The following RNF38 variants were observed in gnomAD, a reference collection of about 807,000 sequenced individuals.
RNF38 encodes the protein ring finger protein 38.
RNF38 carries 15 observed loss-of-function variants against 67.2 expected under a neutral mutation model. The observed-to-expected ratio is 0.22, with a 90% CI of 0.15 to 0.34. RNF38 has a LOEUF of 0.34. RNF38 is among the 10% of genes least tolerant of loss of function. The pLI, the probability that RNF38 is intolerant of heterozygous loss-of-function variation, is 1.00. For synonymous variants in RNF38, 220 were observed against 218.8 expected (o/e 1.01, Z -0.05); for missense variants, 524 against 639.9 (o/e 0.82, Z 1.95).
chr9:36,356,035 C>G (rs1834078055), intron 6 of RNF38, among the ~76,000 whole-genome samples: 1 of 151,916 alleles, frequency 6.6e-6, no homozygotes, highest in Non-Finnish European at 1.5e-5. Flanking sequence ...TTAGTAGAGA[C>G]AGGGTTTCAC....
chr9:36,418,448 C>T (rs117406965), intron 2 of RNF38, among the ~76,000 whole-genome samples: 8,259 of 151,340 alleles, frequency 0.055, 718 homozygotes, highest in African/African-American at 0.18. Context: ...AGGACAGGAG[C>T]TGAAGACCAG....
intron 3 of RNF38, among the ~76,000 whole-genome samples, chr9:36,371,779 T>C (rs909253872): frequency 6.6e-6 from 1 of 152,044 alleles, no homozygotes; most frequent in Admixed American, 6.6e-5. Context: ...ATTTTTCTCG[T>C]ATTGCCTTCT....
intron 1 of RNF38, among the ~76,000 whole-genome samples, chr9:36,462,397 C>G (rs1839753829): frequency 6.6e-6 from 1 of 152,146 alleles, no homozygotes; most frequent in African/African-American, 2.4e-5. Context: ...AACCCATTCT[C>G]AGCACAGCGG....
At chr9:36,403,778 A>G (rs1260932262), upstream of RNF38, among the ~76,000 whole-genome samples, 1 of 152,248 alleles carries the variant, frequency 6.6e-6, no homozygotes, top group African/African-American at 2.4e-5. Context: ...ATAGGATTTT[A>G]GAACTGATCA....
intron 7 of RNF38, 146 bp from the exon 8 acceptor site, chr9:36,352,994 TG>T (rs1220733868): frequency 3.7e-6 from 3 of 802,408 alleles, no homozygotes; most frequent in Non-Finnish European, 4.0e-6. Context: ...AACTTATTAA[TG>T]GATGCAGCAA....
chr9:36,407,911 ATTACATTTAGGTTGT>A (rs1838222962), intron 2 of RNF38, among the ~76,000 whole-genome samples: 2 of 152,160 alleles, frequency 1.3e-5, no homozygotes, highest in Admixed American at 6.5e-5. Flanking sequence ...TAAATCCTGT[ATTACATTTAGGTTGT>A]TCTCAGTGTT....
At chr9:36,355,853 T>C (rs1980921) in intron 6 of RNF38, among the ~76,000 whole-genome samples, 53,671 of 151,904 alleles carry the variant, frequency 0.35, 9,552 homozygotes, top group Non-Finnish European at 0.38. Context: ...GTTTGTTTGT[T>C]TGTTTATTTT....
chr9:36,358,024 T>C (rs767257420), intron 4 of RNF38, 82 bp from the exon 5 acceptor site: 381 of 1,113,358 alleles, frequency 3.4e-4, no homozygotes, highest in Non-Finnish European at 4.9e-4. Flanking sequence ...TGGTCATTTA[T>C]TGGCTCCTCT....
At chr9:36,470,197 A>C (rs1839964460) in intron 1 of RNF38, among the ~76,000 whole-genome samples, 2 of 152,142 alleles carry the variant, frequency 1.3e-5, no homozygotes, top group Admixed American at 1.3e-4. Flanking sequence ...TCCAGCTTTT[A>C]AAGTCTAAGA....
intron 3 of RNF38, 110 bp downstream of exon 3, chr9:36,375,824 G>A (rs1835746569): frequency 1.1e-6 from 1 of 949,932 alleles, no homozygotes; most frequent in African/African-American, 1.7e-5. Context: ...ACGTGTATAT[G>A]TGGTGATGTG....
Position 36,449,005 on chromosome 9 carries a change from A to AAAAG in RNF38, n.242-24326_242-24323dup, listed in dbSNP as rs530863234. 7.1e-4 allele frequency among the ~76,000 whole-genome samples: 108 copies of AAAAG among 152,082 alleles called. 1 individual carries two copies. The South Asian group carries it at 9.6e-3, about 13-fold the overall frequency. On this transcript the variant is annotated intron_variant and non_coding_transcript_variant, in intron 1 of 3. Transcript: ENST00000488058. Reference sequence around the variant, plus strand: ...CGAGACTCCGTCTCAAAAAAATTAAAAAAGAAAGAAAGAAAGAAAGAAATA... The same window carrying AAAAG: ...CGAGACTCCGTCTCAAAAAAATTAAAAAAGAAAGAAAGAAAGAAAGAAAGAAATA...
chr9:36,457,475 C>T (rs908096487), intron 1 of RNF38, among the ~76,000 whole-genome samples: 5 of 152,160 alleles, frequency 3.3e-5, no homozygotes, highest in Non-Finnish European at 7.3e-5. Flanking sequence ...TGAAAGTCTG[C>T]GATGGGCACA....
At chr9:36,348,594 T>C (rs1027725006) in intron 9 of RNF38, among the ~76,000 whole-genome samples, 1 of 152,070 alleles carries the variant, frequency 6.6e-6, no homozygotes, top group Non-Finnish European at 1.5e-5. Flanking sequence ...AGATAGAAAA[T>C]CCAACCAGCC....
At position 36,381,436 on chromosome 9, in the gene RNF38, C is replaced by T. The variant is rs536001616; in HGVS notation, c.163-5309G>A. ...CTTCTGGAGTTTAGGCAAAACTGAC[C>T]AGCATTAATGTTAAAATAGAAATTA... is the stretch of plus-strand genomic sequence containing the variant. On this transcript the variant is annotated intron_variant, in intron 2 of 11. Coordinates refer to ENST00000259605, the MANE Select transcript of RNF38 (RefSeq NM_022781.5). Among the ~76,000 whole-genome samples, 8 of 152,136 alleles carry T rather than the reference C, an allele frequency of 5.3e-5. No individual in the cohort carries two copies. In the South Asian group the frequency reaches 1.7e-3, roughly 32 times the overall value.
chr9:36,385,582 T>C (rs1836558768), intron 2 of RNF38, among the ~76,000 whole-genome samples: 1 of 152,164 alleles, frequency 6.6e-6, no homozygotes, highest in Admixed American at 6.5e-5. Flanking sequence ...TTTCACCATG[T>C]TGGCCAGGCT....
chr9:36,480,787 T>C (rs1564079531), intron 1 of RNF38, among the ~76,000 whole-genome samples: 2 of 151,634 alleles, frequency 1.3e-5, no homozygotes. Flanking sequence ...CGAGCTCAAG[T>C]TATCCACCCG....
chr9:36,452,976 C>G (rs1839493444), intron 1 of RNF38, among the ~76,000 whole-genome samples: 1 of 152,192 alleles, frequency 6.6e-6, no homozygotes, highest in Non-Finnish European at 1.5e-5. Flanking sequence ...TTGTATACAG[C>G]TTCTGTGTAG....
intron 1 of RNF38, among the ~76,000 whole-genome samples, chr9:36,444,915 T>TTC (rs1192054822): frequency 8.5e-4 from 103 of 121,572 alleles, no homozygotes; most frequent in Admixed American, 4.0e-3. Flanking sequence ...TTAAGAGCCA[T>TTC]TCTCTTTTTT....
chr9:36,368,081 G>C (rs1288089795), intron 4 of RNF38, among the ~76,000 whole-genome samples: 1 of 152,112 alleles, frequency 6.6e-6, no homozygotes, highest in African/African-American at 2.4e-5. Context: ...TCAAACTCCT[G>C]GGCCTCAGGT....
Sources: gnomAD v4.1 joint callset for allele counts (sites outside exome capture counted in the v4.1 genomes callset) on GRCh38, gnomAD v4.1.1 for gene constraint, MANE v1.5 for transcripts, NCBI Gene and HGNC (gene_info 2026-07-23, HGNC 2026-07-21) for gene names.